PRH1: variants seen among roughly 807,000 people sequenced by gnomAD.
The protein encoded by PRH1 is proline rich protein HaeIII subfamily 1.
A neutral mutation model predicts 7.9 loss-of-function variants in PRH1; 7 were observed. That is an observed-to-expected ratio of 0.89 (90% confidence interval 0.50 to 1.67). The LOEUF is 1.67. Ranked by LOEUF, PRH1 falls within the 40% of genes most tolerant of loss-of-function variation. The pLI, the probability that PRH1 is intolerant of heterozygous loss-of-function variation, is 0.00. For synonymous variants in PRH1, 45 were observed against 80.8 expected, an observed-to-expected ratio of 0.56 and a Z score of 2.38; for missense variants, 109 against 223.6, an observed-to-expected ratio of 0.49 and a Z score of 3.27.
intron 1 of PRH1, among the ~76,000 whole-genome samples, chr12:11,108,181 C>T (rs951777442): frequency 3.3e-5 from 5 of 152,104 alleles, no homozygotes; most frequent in African/African-American, 4.8e-5. Context: ...AAATTTCAAA[C>T]GGATTACTTC....
intron 2 of PRH1, among the ~76,000 whole-genome samples, chr12:10,897,886 A>T (rs1949671467): frequency 6.6e-6 from 1 of 152,172 alleles, no homozygotes; most frequent in Non-Finnish European, 1.5e-5. Context: ...CGAGGACAGA[A>T]ATTCAAACCA....
chr12:10,955,074 C>A (rs2135921734), intron 2 of PRH1, among the ~76,000 whole-genome samples: 1 of 152,126 alleles, frequency 6.6e-6, no homozygotes, highest in Middle Eastern at 3.4e-3. Context: ...GACACTTAAC[C>A]AAATGAACCT....
downstream of PRH1, among the ~76,000 whole-genome samples, chr12:11,117,369 A>C (rs1945760684): frequency 1.3e-5 from 2 of 152,120 alleles, no homozygotes; most frequent in African/African-American, 4.8e-5. Flanking sequence ...GAGATGAAAT[A>C]GCTCTATAAT....
intron 2 of PRH1, among the ~76,000 whole-genome samples, chr12:10,909,888 G>T (rs11830286): frequency 6.6e-6 from 1 of 152,092 alleles, no homozygotes; most frequent in Non-Finnish European, 1.5e-5. Flanking sequence ...AGAGAAACTC[G>T]TTTACAAAGC....
intron 1 of PRH1, among the ~76,000 whole-genome samples, chr12:11,141,540 T>C (rs1171761176): frequency 6.6e-6 from 1 of 152,192 alleles, no homozygotes; most frequent in Non-Finnish European, 1.5e-5. Context: ...GAAACCAGAT[T>C]TTCTGCTTCA....
chr12:10,986,106 G>A (rs748283082), intron 1 of PRH1: 14 of 1,613,954 alleles, frequency 8.7e-6, no homozygotes, highest in Non-Finnish European at 1.2e-5. Context: ...CAGCCTCCTA[G>A]GACTCCAAAC....
intron 1 of PRH1, among the ~76,000 whole-genome samples, chr12:10,977,468 C>G (rs1245348272): frequency 6.6e-6 from 1 of 152,050 alleles, no homozygotes; most frequent in East Asian, 1.9e-4. Context: ...ACCGAATGAG[C>G]AAAACTGGAA....
chr12:11,029,061 A>AG (rs2136093623), intron 1 of PRH1, among the ~76,000 whole-genome samples: 1 of 152,416 alleles, frequency 6.6e-6, no homozygotes, highest in African/African-American at 2.4e-5. Context: ...ACAGAAAGCA[A>AG]GACAGACATT....
intron 1 of PRH1, among the ~76,000 whole-genome samples, chr12:11,064,481 A>G (rs769780132): frequency 1.3e-5 from 2 of 152,090 alleles, no homozygotes; most frequent in African/African-American, 4.8e-5. Context: ...ATTCTTTCAT[A>G]TATCATTTGA....
intron 1 of PRH1, chr12:11,062,339 C>T: frequency 6.5e-7 from 1 of 1,532,840 alleles, no homozygotes; most frequent in Non-Finnish European, 8.8e-7. Context: ...GGTGTAATAT[C>T]ACTGGTTGTG....
intron 1 of PRH1, among the ~76,000 whole-genome samples, chr12:11,107,375 G>GAA (rs781564634): frequency 2.6e-5 from 4 of 152,080 alleles, no homozygotes; most frequent in Non-Finnish European, 4.4e-5. Flanking sequence ...TAAGATAAGA[G>GAA]AAATAAAAGG....
chr12:10,932,011 C>T (rs977654500), intron 2 of PRH1, among the ~76,000 whole-genome samples: 9 of 152,156 alleles, frequency 5.9e-5, no homozygotes, highest in African/African-American at 2.2e-4. Context: ...TAACAATAAT[C>T]GTTTTTCGTC....
chr12:10,959,729 A>AAATGATAT (rs1347253632), intron 2 of PRH1, among the ~76,000 whole-genome samples: 14 of 152,314 alleles, frequency 9.2e-5, no homozygotes, highest in Middle Eastern at 3.4e-3. Flanking sequence ...TGCTATATTA[A>AAATGATAT]AATGATATAT....
At chr12:10,989,626 C>T (rs540908855) in intron 1 of PRH1, among the ~76,000 whole-genome samples, 1 of 152,170 alleles carries the variant, frequency 6.6e-6, no homozygotes, top group African/African-American at 2.4e-5. Flanking sequence ...GACACCACCA[C>T]TTTATACAGT....
At chr12:11,036,372 T>C (rs577594714) in intron 1 of PRH1, among the ~76,000 whole-genome samples, 7 of 152,324 alleles carry the variant, frequency 4.6e-5, no homozygotes, top group Admixed American at 3.9e-4. Flanking sequence ...CACCATTTAA[T>C]CCTATCCATG....
At chr12:11,151,197 A>G (rs1219741069) in intron 1 of PRH1, among the ~76,000 whole-genome samples, 2 of 151,942 alleles carry the variant, frequency 1.3e-5, no homozygotes, top group South Asian at 2.1e-4. Flanking sequence ...AGAACCTGCA[A>G]GAGTCTGTCA....
In PRH1 at chr12:10,881,538, G is replaced by C. The variant is rs1949400762; in HGVS notation, c.*19-482C>G. On this transcript the variant is annotated intron_variant, in intron 3 of 3. Transcript: ENST00000543626. The stretch of plus-strand genomic sequence containing the variant: ...GTTTTCTAAACAATAAATTTTTCCA[G>C]TGAGTAAGACACAAATCTGAATATA... Among the ~76,000 whole-genome samples the C allele has an allele frequency of 3.9e-5, 6 of 152,308 alleles. No individual in the cohort carries two copies. The South Asian group carries it at 1.2e-3, about 32-fold the overall frequency.
At chr12:11,125,317 G>A (rs990034323) in intron 1 of PRH1, among the ~76,000 whole-genome samples, 4 of 152,216 alleles carry the variant, frequency 2.6e-5, no homozygotes. Context: ...TCTCTTGTTG[G>A]CTGTTTAATT....
In PRH1 at chr12:10,977,074, C is replaced by A. The variant is rs541263519; in HGVS notation, c.-125-3353G>T. ...TCCATAACTCATTCTATAAAGCCAG[C>A]AGCACCCTAATACCTAAACTTTTCA... On this transcript the variant is annotated intron_variant, in intron 1 of 3. Coordinates refer to the PRH1 transcript ENST00000539853. Among the ~76,000 whole-genome samples the A allele has an allele frequency of 3.3e-5, 5 of 152,208 alleles. No individual in the cohort carries two copies. In the East Asian group the frequency reaches 9.6e-4, roughly 29 times the overall value.
Sources: gnomAD v4.1 joint callset for allele counts (sites outside exome capture counted in the v4.1 genomes callset) on GRCh38, gnomAD v4.1.1 for gene constraint, MANE v1.5 for transcripts, NCBI Gene and HGNC (gene_info 2026-07-23, HGNC 2026-07-21) for gene names.